Variants in LRRC41 observed in about 807,000 individuals in gnomAD.
The protein encoded by LRRC41 is leucine-rich repeat-containing protein 41.
Under a neutral mutation model 72.1 loss-of-function variants are expected in LRRC41, and 17 were observed. The ratio of observed to expected loss-of-function variants is 0.24; its 90% CI spans 0.16 to 0.35. LRRC41 has a LOEUF of 0.35. Ranked by LOEUF, LRRC41 falls within the 10% of genes least tolerant of loss-of-function variation. LRRC41 has a pLI of 1.00. For missense variants in LRRC41, 759 were observed against 1,065.0 expected (o/e 0.71, Z 4.00); for synonymous variants, 427 against 431.0 (o/e 0.99, Z 0.11).
chr1:46,283,527 T>G (rs949081685), intron 4 of LRRC41, among the ~76,000 whole-genome samples: 1 of 152,092 alleles, frequency 6.6e-6, no homozygotes, highest in Non-Finnish European at 1.5e-5. Flanking sequence ...GAAGTTGTCA[T>G]GTCTACTAGC....
At position 46,302,462 on chromosome 1, in the gene LRRC41, C is replaced by G. The variant is rs1032658571; in HGVS notation, c.199+662G>C. The G allele has an allele frequency of 1.6e-5, 16 of 985,288 alleles. No individual in the cohort carries two copies. The highest frequency in any genetic ancestry group is 1.9e-5 in the Non-Finnish European group (16 of 829,924). 61.0% of individuals were successfully genotyped at this position (985,288 alleles called of 1,614,324 possible). A position where few individuals can be genotyped will look rare whatever the true frequency, so the allele number is the denominator to read the frequency against. On this transcript the variant is annotated intron_variant, in intron 1 of 9. Coordinates refer to ENST00000617190, the MANE Select transcript of LRRC41 (RefSeq NM_006369.5). The surrounding 1 kb of genome is among the most constrained non-coding windows in gnomAD (Gnocchi z 4.7). ...CTCGGTCGCTTAGTCAGTTTGGCACCCGAGACCCCGGTTGTCGGTTCGCTC... is the reference window on the plus strand; with the variant it reads ...CTCGGTCGCTTAGTCAGTTTGGCACGCGAGACCCCGGTTGTCGGTTCGCTC...
In LRRC41 at chr1:46,297,549, ATACCT is replaced by A. The variant is rs767511287; in HGVS notation, c.357+9_357+13del. ...CAAAATCAGGCTAGCATTCTACCTG[ATACCT>A]TAACTTACTTCCAAACTGGAAGGCC... is the stretch of plus-strand genomic sequence containing the variant. On this transcript the variant is annotated intron_variant, in intron 3 of 9. Coordinates refer to ENST00000617190, the MANE Select transcript of LRRC41 (RefSeq NM_006369.5). 3.6e-5 allele frequency: 58 copies of A among 1,611,636 alleles called. 1 individual carries two copies. Among genetic ancestry groups the A allele is most frequent in the Non-Finnish European group, 4.2e-5 (50 of 1,177,866 alleles).
chr1:46,281,350 G>A lies in LRRC41; in HGVS notation c.1531C>T (p.Leu511=). The A allele has an allele frequency of 1.9e-6, 3 of 1,614,174 alleles. No individual in the cohort carries two copies. The highest frequency in any genetic ancestry group is 1.1e-5 in the South Asian group (1 of 91,082). The change falls in exon 5 of 10, where the codon CTG becomes TTG. Residue 511 remains leucine, a synonymous_variant. Transcript: ENST00000617190. ...CCAGCCTGGCCTGACAGGGCCCGCA[G>A]GCTGTCTAGCAGGCGGAAGATGTTA... ...GSNIFRLLDS[L]RALSGQAGCR... is the part of the protein sequence containing the mutation.
intron 4 of LRRC41, chr1:46,284,256 TAGGAG>T (rs1030421773): frequency 5.3e-5 from 8 of 152,216 alleles, no homozygotes; most frequent in African/African-American, 1.9e-4. Flanking sequence ...AAAATGCTGA[TAGGAG>T]AGAGACGGTG....
Position 46,279,766 on chromosome 1 carries a change from A to C in LRRC41, c.2021-152T>G. ...AGACTCCAAGCAAGGCTGGAACTAA[A>C]TCAGAATCCAAACTAAAGACTGAAC... On this transcript the variant is annotated intron_variant, in intron 7 of 9. Transcript: ENST00000617190. The surrounding 1 kb of genome is among the most constrained non-coding windows in gnomAD (Gnocchi z 4.5). The C allele has an allele frequency of 1.1e-6, 1 of 901,770 alleles. No homozygotes were observed. Among genetic ancestry groups the C allele is most frequent in the Non-Finnish European group, 1.7e-6 (1 of 587,384 alleles). 55.9% of individuals were successfully genotyped at this position (901,770 alleles called of 1,614,324 possible).
rs769509652 is a variant in LRRC41, at chr1:46,278,089, G to A, written c.*776C>T. 19 of 1,614,098 alleles carry A rather than the reference G, an allele frequency of 1.2e-5. No individual in the cohort carries two copies. The highest frequency in any genetic ancestry group is 1.4e-5 in the Non-Finnish European group (17 of 1,179,982). On this transcript the variant is annotated 3_prime_UTR_variant, in exon 10 of 10. Transcript: ENST00000617190. ...GTCCCTAGGTTGCACTGCCGACGTT[G>A]TGTCAACAGCCGTCAGATCCGGCCA... is the stretch of plus-strand genomic sequence containing the variant.
chr1:46,303,319 C>T lies in LRRC41; in HGVS notation c.4G>A (p.Ala2Thr). The change falls in exon 1 of 10, where the codon GCG (alanine) becomes ACG (threonine). Residue 2 changes from alanine (A) to threonine (T), a missense_variant. Physicochemically the swap from Ala to Thr is moderately conservative, Grantham distance 58. Coordinates refer to ENST00000617190, the MANE Select transcript of LRRC41 (RefSeq NM_006369.5). M[A>T]APEAWRARSC... ...CGGGCGCGCCAGGCCTCGGGCGCCGCCATCTTGGGGAGGTGCGCGAGCCCG... is the reference window on the plus strand; with the variant it reads ...CGGGCGCGCCAGGCCTCGGGCGCCGTCATCTTGGGGAGGTGCGCGAGCCCG... The T allele has an allele frequency of 6.6e-7, 1 of 1,524,272 alleles. No individual in the cohort carries two copies. Among genetic ancestry groups the T allele is most frequent in the Non-Finnish European group, 8.8e-7 (1 of 1,137,954 alleles). 94.4% of individuals were successfully genotyped at this position (1,524,272 alleles called of 1,614,324 possible). A position where few individuals can be genotyped will look rare whatever the true frequency, so the allele number is the denominator to read the frequency against.
rs1436831642 is a variant in LRRC41 at position 46,302,541 on chromosome 1, C to T, written c.199+583G>A. 4.1e-6 allele frequency: 4 copies of T among 984,768 alleles called. No individual in the cohort carries two copies. The African/African-American group carries it at 7.0e-5, about 17-fold the overall frequency. 61.0% of individuals were successfully genotyped at this position (984,768 alleles called of 1,614,324 possible). A position where few individuals can be genotyped will look rare whatever the true frequency, so the allele number is the denominator to read the frequency against. On this transcript the variant is annotated intron_variant, in intron 1 of 9. Coordinates refer to ENST00000617190, the MANE Select transcript of LRRC41 (RefSeq NM_006369.5). The surrounding 1 kb of genome is among the most constrained non-coding windows in gnomAD (Gnocchi z 4.7). ...GCGGCGCCCCGACCCTTTCGTTCGG[C>T]CTCTCCCCCTGCCCCATTCCCTCGC...
rs897936607 is a variant in LRRC41, at chr1:46,279,269, G to A, written c.2144-12C>T. 3.7e-6 allele frequency: 6 copies of A among 1,613,766 alleles called. No individual in the cohort carries two copies. Among genetic ancestry groups the A allele is most frequent in the Middle Eastern group, 1.6e-4 (1 of 6,080 alleles). On this transcript the variant is annotated splice_polypyrimidine_tract_variant and intron_variant, in intron 8 of 9. Transcript: ENST00000617190. The surrounding 1 kb of genome is among the most constrained non-coding windows in gnomAD (Gnocchi z 4.5). ...CAGGCCAGCATTCCCTGGAGAGAAG[G>A]GGAGAACGCCTATCACCTCCACCCA... is the stretch of plus-strand genomic sequence containing the variant.
rs748234126 is a variant in LRRC41, at chr1:46,286,311, C to T, written c.546G>A (p.Glu182=). ...GGGTCTCCAGAACCCTGCGGTTGGG[C>T]TCAGCCACCAGCTCGGTTGCACCCT... ...MLQGATELVA[E]PNRRVLETLA... Residue 182 remains glutamate (E), a synonymous_variant, in exon 4 of 10, where the codon GAG becomes GAA. Transcript: ENST00000617190. The surrounding 1 kb of genome is among the most constrained non-coding windows in gnomAD (Gnocchi z 5.5). The T allele has an allele frequency of 6.2e-7, 1 of 1,614,212 alleles. No individual in the cohort carries two copies. Among genetic ancestry groups the T allele is most frequent in the South Asian group, 1.1e-5 (1 of 91,088 alleles).
At chr1:46,290,934 T>G (rs1477411433) in intron 3 of LRRC41, among the ~76,000 whole-genome samples, 3 of 147,360 alleles carry the variant, frequency 2.0e-5, no homozygotes, top group Non-Finnish European at 3.0e-5. Context: ...TTTTTTTTTT[T>G]TTTTTTTTTT....
rs1661272492 is a variant in LRRC41 at position 46,302,844 on chromosome 1, G to A, written c.199+280C>T. 1.0e-6 allele frequency: 1 copy of A among 984,940 alleles called. No homozygotes were observed. Among genetic ancestry groups the A allele is most frequent in the Non-Finnish European group, 1.2e-6 (1 of 829,780 alleles). The allele number at this position is 984,940 out of a possible 1,614,324, so 61.0% of individuals were successfully genotyped here. A position where few individuals can be genotyped will look rare whatever the true frequency, so the allele number is the denominator to read the frequency against. ...CCACAGCCGCAATCCAGCCTCAGTC[G>A]CCCGGGCCCAGCCTGCTTCGCTCCA... On this transcript the variant is annotated intron_variant, in intron 1 of 9. Transcript: ENST00000617190. This position sits in a 1 kb window ranked among gnomAD's most constrained non-coding sequence, Gnocchi z 4.7.
intron 3 of LRRC41, chr1:46,296,693 C>T (rs940079746): frequency 6.6e-6 from 1 of 152,174 alleles, no homozygotes; most frequent in Non-Finnish European, 1.5e-5. Context: ...TTTTACAATG[C>T]TGAATCCCCT....
intron 2 of LRRC41, 37 bp from the exon 3 acceptor site, chr1:46,297,670 C>A (rs770108567): frequency 4.1e-6 from 6 of 1,451,906 alleles, no homozygotes; most frequent in Admixed American, 3.3e-5. Context: ...TGCTTACTGG[C>A]CACCATGAGT....
intron 3 of LRRC41, among the ~76,000 whole-genome samples, chr1:46,288,229 A>G (rs899667210): frequency 2.6e-5 from 4 of 152,202 alleles, no homozygotes; most frequent in African/African-American, 7.2e-5. Flanking sequence ...AGACAAAGAC[A>G]GGTACCAGAC....
In LRRC41 at chr1:46,281,283, G is replaced by A; in HGVS notation, c.1598C>T (p.Pro533Leu). ...RALHLSDLFS[P>L]LPILELTRAI... ...ACGTGTCAGCTCCAGGATGGGCAGT[G>A]GTGAGAACAGGTCACTGAGATGCAG... is the stretch of plus-strand genomic sequence containing the variant. Residue 533 changes from proline (P) to leucine (L), a missense_variant, in exon 5 of 10, where the codon CCA becomes CTA. Transcript: ENST00000617190. The A allele has an allele frequency of 1.2e-6, 2 of 1,614,212 alleles. No individual in the cohort carries two copies. The highest frequency in any genetic ancestry group is 1.7e-6 in the Non-Finnish European group (2 of 1,180,030).
chr1:46,300,807 G>A (rs1461452276), intron 1 of LRRC41: 1 of 152,308 alleles, frequency 6.6e-6, no homozygotes, highest in Non-Finnish European at 1.5e-5. Context: ...CTACCTCCAG[G>A]AAGCCTTTCC....
At chr1:46,284,236 G>A in intron 4 of LRRC41, 1 of 152,366 alleles carries the variant, frequency 6.6e-6, no homozygotes. Context: ...GTTTTTGATG[G>A]AGACCTGTTA....
chr1:46,295,765 T>C lies in LRRC41; in HGVS notation c.357+1798A>G, dbSNP rs532721140. 2.6e-5 allele frequency among the ~76,000 whole-genome samples: 4 copies of C among 152,342 alleles called. No individual in the cohort carries two copies. The East Asian group carries it at 5.8e-4, about 22-fold the overall frequency. ...AGTGAATCTGATGTTTCCTTAAAGA[T>C]AGCAAAAAGCAGTTACTGTTTTCTA... On this transcript the variant is annotated intron_variant, in intron 3 of 9. Coordinates refer to ENST00000617190, the MANE Select transcript of LRRC41 (RefSeq NM_006369.5).
Sources: allele counts gnomAD v4.1 joint callset (sites outside exome capture counted in the v4.1 genomes callset), GRCh38; gene constraint gnomAD v4.1.1; non-coding constraint Gnocchi (gnomAD v3.1); transcripts MANE v1.5; gene names NCBI Gene and HGNC (gene_info 2026-07-23, HGNC 2026-07-21).